The following NRF1 variants were observed in gnomAD, a reference collection of about 807,000 sequenced individuals.
NRF1 encodes the protein nuclear respiratory factor 1, also known as alpha palindromic-binding protein.
In NRF1, 5 loss-of-function variants were observed where a neutral mutation model predicts 58.5. The observed-to-expected ratio is 0.09, with a 90% CI of 0.04 to 0.18. NRF1 has a LOEUF of 0.18. NRF1 is among the 10% of genes least tolerant of loss of function. The pLI, the probability that NRF1 is intolerant of heterozygous loss-of-function variation, is 1.00. For synonymous variants in NRF1, 224 were observed against 246.7 expected, an observed-to-expected ratio of 0.91 and a Z score of 0.86; for missense variants, 288 against 657.7, an observed-to-expected ratio of 0.44 and a Z score of 6.15.
chr7:129,721,335 A>G (rs990609576), intron 9 of NRF1, among the ~76,000 whole-genome samples: 5 of 152,118 alleles, frequency 3.3e-5, no homozygotes, highest in Non-Finnish European at 7.3e-5. Flanking sequence ...TTGTGTGTCT[A>G]CTGTGTGCAG....
At chr7:129,642,235 C>T (rs113059901) in intron 1 of NRF1, among the ~76,000 whole-genome samples, 2,425 of 152,166 alleles carry the variant, frequency 0.016, 58 homozygotes, top group African/African-American at 0.053. Flanking sequence ...ATGCCCGCCT[C>T]AGCCTCCCAA....
At position 129,683,308 on chromosome 7, in the gene NRF1, T is replaced by TGAGAGAGAGAGAGAGA. The variant is rs1249992360; in HGVS notation, c.465+5551_465+5552insAGAGAGAGAGAGAGAG. ...TGGAGAGTGTGTGTGTGTGTGTGTGTGTGTGTGTGTGTGAGAGAGAGAGAG... is the reference window on the plus strand; with the variant it reads ...TGGAGAGTGTGTGTGTGTGTGTGTGTGAGAGAGAGAGAGAGAGTGTGTGTGTGTGAGAGAGAGAGAG... On this transcript the variant is annotated intron_variant, in intron 4 of 10. Coordinates refer to ENST00000393232, the MANE Select transcript of NRF1 (RefSeq NM_005011.5). Among the ~76,000 whole-genome samples, 165 of 142,960 alleles carry TGAGAGAGAGAGAGAGA rather than the reference T, an allele frequency of 1.2e-3. 1 individual carries two copies. Among genetic ancestry groups the TGAGAGAGAGAGAGAGA allele is most frequent in the African/African-American group, 4.1e-3 (155 of 37,660 alleles). The allele number at this position is 142,960 out of a possible 152,430, so 93.8% of individuals were successfully genotyped here. A position where few individuals can be genotyped will look rare whatever the true frequency, so the allele number is the denominator to read the frequency against.
Position 129,691,972 on chromosome 7 carries a change from C to T in NRF1, c.606+1426C>T, listed in dbSNP as rs185862140. 1.1e-4 allele frequency among the ~76,000 whole-genome samples: 16 copies of T among 152,332 alleles called. No individual in the cohort carries two copies. In the East Asian group the frequency reaches 3.1e-3, roughly 29 times the overall value. On this transcript the variant is annotated intron_variant, in intron 5 of 10. Transcript: ENST00000393232. ...TTGGTTGTTCCTACTCTCCACTCCA[C>T]ATCTGTTCCTCTCCAGGCGTTCCCC...
intron 4 of NRF1, among the ~76,000 whole-genome samples, chr7:129,688,653 G>A (rs1246167417): frequency 1.3e-5 from 2 of 152,028 alleles, no homozygotes; most frequent in East Asian, 3.8e-4. Flanking sequence ...ATGGCAGAAG[G>A]GGAAGCAAGG....
chr7:129,660,434 C>G (rs189088533), intron 2 of NRF1, among the ~76,000 whole-genome samples: 1 of 150,848 alleles, frequency 6.6e-6, no homozygotes, highest in Non-Finnish European at 1.5e-5. Flanking sequence ...GTCCCTCTGC[C>G]TATGAGCCTG....
At chr7:129,737,181 G>A (rs1013454482) in intron 10 of NRF1, among the ~76,000 whole-genome samples, 2 of 152,152 alleles carry the variant, frequency 1.3e-5, no homozygotes, top group African/African-American at 2.4e-5. Context: ...CTTGCCTTTC[G>A]CAGATGAAGA....
intron 1 of NRF1, among the ~76,000 whole-genome samples, chr7:129,651,208 G>C (rs867966317): frequency 1.2e-4 from 18 of 152,078 alleles, no homozygotes; most frequent in African/African-American, 3.9e-4. Flanking sequence ...GATCACCTGA[G>C]GTCAGGAGTT....
At chr7:129,722,503 T>C (rs184182549) in intron 9 of NRF1, among the ~76,000 whole-genome samples, 3 of 152,230 alleles carry the variant, frequency 2.0e-5, no homozygotes, top group East Asian at 3.9e-4. Flanking sequence ...ACCATAGGCA[T>C]CATCGTTGTC....
intron 10 of NRF1, chr7:129,744,075 G>T: frequency 8.9e-7 from 1 of 1,117,808 alleles, no homozygotes; most frequent in Non-Finnish European, 1.3e-6. Context: ...TGCACCAGAT[G>T]TGCATGGGAG....
At chr7:129,747,559 CTACT>C (rs1804006531) in intron 10 of NRF1, among the ~76,000 whole-genome samples, 1 of 152,140 alleles carries the variant, frequency 6.6e-6, no homozygotes, top group South Asian at 2.1e-4. Flanking sequence ...TATTATATAC[CTACT>C]ATGTGCCAAG....
intron 1 of NRF1, among the ~76,000 whole-genome samples, chr7:129,635,099 T>C (rs1801140167): frequency 6.6e-6 from 1 of 152,212 alleles, no homozygotes; most frequent in Admixed American, 6.5e-5. Flanking sequence ...ATAAAACAAG[T>C]CCAAGTCCTT....
chr7:129,620,420 G>A (rs997605077), intron 1 of NRF1, among the ~76,000 whole-genome samples: 10 of 144,496 alleles, frequency 6.9e-5, no homozygotes, highest in Non-Finnish European at 1.3e-4. Flanking sequence ...ATAGAGTCTC[G>A]CTTTGTCACC....
At chr7:129,670,005 C>A (rs540961515) in intron 2 of NRF1, among the ~76,000 whole-genome samples, 27 of 152,340 alleles carry the variant, frequency 1.8e-4, no homozygotes, top group Middle Eastern at 6.8e-3. Flanking sequence ...GAACATTATT[C>A]ACCCTTAAAA....
intron 1 of NRF1, among the ~76,000 whole-genome samples, chr7:129,635,174 C>T (rs1034399544): frequency 6.6e-6 from 1 of 152,012 alleles, no homozygotes; most frequent in Non-Finnish European, 1.5e-5. Flanking sequence ...ATTGTTGGAG[C>T]ATTAATTTGA....
At chr7:129,625,619 G>A (rs1445167840) in intron 1 of NRF1, among the ~76,000 whole-genome samples, 1 of 151,134 alleles carries the variant, frequency 6.6e-6, no homozygotes, top group Non-Finnish European at 1.5e-5. Context: ...TCCTGTGTTA[G>A]CCTCCTGAGT....
At chr7:129,624,889 ATATCCC>A (rs1273506756) in intron 1 of NRF1, among the ~76,000 whole-genome samples, 3 of 152,178 alleles carry the variant, frequency 2.0e-5, no homozygotes, top group Non-Finnish European at 4.4e-5. Flanking sequence ...TTTAGTTTAC[ATATCCC>A]TAGATCCTTC....
At chr7:129,725,741 T>C (rs1803438790) in intron 9 of NRF1, among the ~76,000 whole-genome samples, 1 of 152,244 alleles carries the variant, frequency 6.6e-6, no homozygotes, top group African/African-American at 2.4e-5. Flanking sequence ...GCAAGTATAC[T>C]GCTTTTATTA....
At chr7:129,689,695 A>T (rs1802519618) in intron 4 of NRF1, among the ~76,000 whole-genome samples, 1 of 152,226 alleles carries the variant, frequency 6.6e-6, no homozygotes, top group African/African-American at 2.4e-5. Context: ...AATGCAGACA[A>T]CGAACAACAA....
At position 129,725,713 on chromosome 7, in the gene NRF1, C is replaced by T. The variant is rs148729089; in HGVS notation, c.1224-1528C>T. On this transcript the variant is annotated intron_variant, in intron 9 of 10. Transcript: ENST00000393232. ...TTTCTTTTATACTTAATAGAGTTTG[C>T]TCAAACTTTCTATAAAAGCAAGTAT... is the stretch of plus-strand genomic sequence containing the variant. Among the ~76,000 whole-genome samples the T allele has an allele frequency of 9.2e-5, 14 of 152,218 alleles. No individual in the cohort carries two copies. In the East Asian group the frequency reaches 2.7e-3, roughly 29 times the overall value.
Sources: gnomAD v4.1 joint callset for allele counts (sites outside exome capture counted in the v4.1 genomes callset) on GRCh38, gnomAD v4.1.1 for gene constraint, MANE v1.5 for transcripts, NCBI Gene and HGNC (gene_info 2026-07-23, HGNC 2026-07-21) for gene names.